Variants in IFT172 observed in about 807,000 individuals in gnomAD.
IFT172 encodes the protein intraflagellar transport protein 172 homolog.
Under a neutral mutation model 248.9 loss-of-function variants are expected in IFT172, and 164 were observed. The observed-to-expected ratio is 0.66, with a 90% CI of 0.58 to 0.75. The LOEUF (loss-of-function observed/expected upper bound fraction) is 0.75. Among genes scored for constraint, IFT172 ranks in the 30% least tolerant of loss-of-function variants. IFT172 has a pLI of 0.00. For missense variants in IFT172, 1,950 were observed against 2,192.4 expected (o/e 0.89, Z 2.21); for synonymous variants, 729 against 791.6 (o/e 0.92, Z 1.33).
chr2:27,486,602 T>C (rs1288443102), intron 1 of IFT172, among the ~76,000 whole-genome samples: 10 of 152,218 alleles, frequency 6.6e-5, no homozygotes, highest in Non-Finnish European at 8.8e-5. Context: ...AAGTCTATTT[T>C]CCTGCAAATC....
chr2:27,463,275 G>A (rs972943845), intron 18 of IFT172, 94 bp from the exon 19 acceptor site: 16 of 1,185,038 alleles, frequency 1.4e-5, no homozygotes, highest in Non-Finnish European at 1.6e-5. Flanking sequence ...GTACATCTAT[G>A]ATGTGCCAGC....
intron 30 of IFT172, chr2:27,455,643 G>A (rs528162482): frequency 1.3e-4 from 28 of 213,962 alleles, no homozygotes; most frequent in East Asian, 8.1e-4. Flanking sequence ...CCTGGGAGGC[G>A]GAGCTTGCAG....
At chr2:27,446,163 C>A (rs1665075600) in intron 43 of IFT172, 97 bp downstream of exon 43, 1 of 1,364,928 alleles carries the variant, frequency 7.3e-7, no homozygotes, top group Admixed American at 1.7e-5. Context: ...AACATCAGCC[C>A]TACACTCAGC....
intron 14 of IFT172, among the ~76,000 whole-genome samples, chr2:27,473,233 G>T (rs1199374915): frequency 5.3e-5 from 8 of 150,606 alleles, no homozygotes; most frequent in Non-Finnish European, 1.2e-4. Flanking sequence ...AGCTGGGCGT[G>T]GTGGCTGGCA....
rs774613164 is a variant in IFT172, at chr2:27,460,997, C to T, written c.2521+18G>A. 6.2e-7 allele frequency: 1 copy of T among 1,614,094 alleles called. No homozygotes were observed. Among genetic ancestry groups the T allele is most frequent in the African/African-American group, 1.3e-5 (1 of 75,022 alleles). ...AAGAGTCCACAACAGTAAAGGATGG[C>T]TTATAGGTGGCTAGTACCTTTCATG... is the stretch of plus-strand genomic sequence containing the variant. On this transcript the variant is annotated intron_variant, in intron 23 of 47. Transcript: ENST00000260570.
At position 27,477,587 on chromosome 2, in the gene IFT172, T is replaced by C. The variant is rs1208328991; in HGVS notation, c.1193A>G (p.Asn398Ser). 1.9e-6 allele frequency: 3 copies of C among 1,610,686 alleles called. No homozygotes were observed. The highest frequency in any genetic ancestry group is 2.5e-6 in the Non-Finnish European group (3 of 1,176,954). Residue 398 changes from asparagine (N) to serine (S), a missense_variant, in exon 12 of 48, where the codon AAT (asparagine) becomes AGT (serine). Coordinates refer to ENST00000260570, the MANE Select transcript of IFT172 (RefSeq NM_015662.3). ...CTCATTTTCAAAGAAATACTTCTCA[T>C]TGCCACCAGATCCTTGCCAGGCTAT... is the stretch of plus-strand genomic sequence containing the variant. Reference protein sequence around the residue: ...SEIAWQGSGGNEKYFFENENV... With the variant: ...SEIAWQGSGGSEKYFFENENV...
chr2:27,449,931 T>A, intron 36 of IFT172, 67 bp downstream of exon 36: 1 of 1,459,086 alleles, frequency 6.9e-7, no homozygotes, highest in South Asian at 1.2e-5. Flanking sequence ...CCTTCCTGGG[T>A]GTAGATGTCA....
rs1054224450 is a variant in IFT172 at position 27,481,334 on chromosome 2, G to A, written c.571-74C>T. On this transcript the variant is annotated intron_variant, in intron 7 of 47. Transcript: ENST00000260570. The stretch of plus-strand genomic sequence containing the variant: ...AGAAATTCCTCACTCTCAACACCTG[G>A]TACATTCACTCTGACCATCATACCC... The A allele has an allele frequency of 4.6e-6, 5 of 1,085,308 alleles. No homozygotes were observed. In the African/African-American group the frequency reaches 7.9e-5, roughly 17 times the overall value. 67.2% of individuals were successfully genotyped at this position (1,085,308 alleles called of 1,614,324 possible).
In IFT172 at chr2:27,453,052, G is replaced by A. The variant is rs1383917907; in HGVS notation, c.3951+332C>T. The A allele has an allele frequency of 1.1e-5, 4 of 372,966 alleles. No homozygotes were observed. In the East Asian group the frequency reaches 2.8e-4, roughly 26 times the overall value. 23.1% of individuals were successfully genotyped at this position (372,966 alleles called of 1,614,324 possible). Reference sequence around the variant, plus strand: ...CAAGTCTTCCCTCCTTCTTCACAGAGCCTTCCTGACCCCTCTAGCCCACAG... The same window carrying A: ...CAAGTCTTCCCTCCTTCTTCACAGAACCTTCCTGACCCCTCTAGCCCACAG... On this transcript the variant is annotated intron_variant, in intron 35 of 47. Transcript: ENST00000260570.
intron 14 of IFT172, among the ~76,000 whole-genome samples, chr2:27,473,439 T>C: frequency 7.1e-6 from 1 of 141,792 alleles, no homozygotes; most frequent in Non-Finnish European, 1.5e-5. Context: ...GCCTCCTGAG[T>C]AGCTGGGACT....
intron 16 of IFT172, among the ~76,000 whole-genome samples, chr2:27,469,417 A>G (rs1341542307): frequency 6.6e-6 from 1 of 152,154 alleles, no homozygotes; most frequent in Non-Finnish European, 1.5e-5. Flanking sequence ...AGAAACAAAA[A>G]ACTTCTAAAT....
chr2:27,485,203 G>T, intron 2 of IFT172, 73 bp from the exon 3 acceptor site: 1 of 1,434,248 alleles, frequency 7.0e-7, no homozygotes, highest in Non-Finnish European at 9.6e-7. Context: ...GAGAAAAAAA[G>T]GCATATGTGT....
chr2:27,460,689 G>A (rs565602115), intron 23 of IFT172, among the ~76,000 whole-genome samples: 4 of 100,338 alleles, frequency 4.0e-5, no homozygotes, highest in South Asian at 4.1e-4. Flanking sequence ...CTTTGTTCAC[G>A]TGTTTGTCTG....
chr2:27,485,121 T>G lies in IFT172; in HGVS notation c.193A>C (p.Lys65Gln), dbSNP rs77598375. ...GCCATGCCCTTCACCATATAGCTCT[T>G]CCTGCCATACTAAGAGTTTAAAAAA... ...TKPADMKYGR[K>Q]SYMVKGMAFS... The change falls in exon 3 of 48, where the codon AAG (lysine) becomes CAG (glutamine). Residue 65 changes from lysine to glutamine, a missense_variant. This residue lies in a region of IFT172 where 1,166 missense variants were observed against 1,254.1 expected (regional missense o/e 0.93). Transcript: ENST00000260570. 6.3e-7 allele frequency: 1 copy of G among 1,594,988 alleles called. No individual in the cohort carries two copies.
intron 2 of IFT172, 83 bp downstream of exon 2, chr2:27,485,277 A>G: frequency 6.3e-7 from 1 of 1,595,084 alleles, no homozygotes; most frequent in Non-Finnish European, 8.6e-7. Context: ...TCCTATGCTG[A>G]TGGCTAGAAG....
At chr2:27,447,148 G>A (rs1276057690) in intron 42 of IFT172, among the ~76,000 whole-genome samples, 1 of 152,194 alleles carries the variant, frequency 6.6e-6, no homozygotes, top group East Asian at 1.9e-4. Flanking sequence ...CACCCACCTA[G>A]ATTGTTTCTA....
At chr2:27,451,845 C>T (rs181980425) in intron 35 of IFT172, among the ~76,000 whole-genome samples, 56 of 152,126 alleles carry the variant, frequency 3.7e-4, no homozygotes, top group African/African-American at 1.2e-3. Flanking sequence ...CATCACCATA[C>T]GAATATGTCA....
At position 27,467,475 on chromosome 2, in the gene IFT172, A is replaced by G. The variant is rs554123009; in HGVS notation, c.1693-1593T>C. 3.5e-4 allele frequency among the ~76,000 whole-genome samples: 49 copies of G among 138,756 alleles called. No homozygotes were observed. In the South Asian group the frequency reaches 0.01, roughly 29 times the overall value. The allele number at this position is 138,756 out of a possible 152,430, so 91.0% of individuals were successfully genotyped here. ...GCAGGGCATGGTGGCATACGCCTGT[A>G]GTGGCATACGCCTGTAGTCCCAGCT... is the stretch of plus-strand genomic sequence containing the variant. On this transcript the variant is annotated intron_variant, in intron 16 of 47. Transcript: ENST00000260570.
intron 2 of IFT172, 88 bp downstream of exon 2, chr2:27,485,272 T>C: frequency 1.3e-6 from 2 of 1,588,284 alleles, no homozygotes; most frequent in Non-Finnish European, 1.7e-6. Context: ...CCATTTCCTA[T>C]GCTGATGGCT....
Sources: allele counts gnomAD v4.1 joint callset (sites outside exome capture counted in the v4.1 genomes callset), GRCh38; gene constraint gnomAD v4.1.1; regional missense constraint gnomAD v4.1.1; transcripts MANE v1.5; gene names NCBI Gene and HGNC (gene_info 2026-07-23, HGNC 2026-07-21).